Variants in PLEKHG4 observed in about 807,000 individuals in gnomAD.
PLEKHG4 encodes pleckstrin homology and RhoGEF domain containing G4, also known as puratrophin-1.
Under a neutral mutation model 136.9 loss-of-function variants are expected in PLEKHG4, and 85 were observed. The ratio of observed to expected loss-of-function variants is 0.62; its 90% CI spans 0.52 to 0.74. The LOEUF is 0.74. Ranked by LOEUF, PLEKHG4 falls within the 30% of genes least tolerant of loss-of-function variation. The pLI, the probability that PLEKHG4 is intolerant of heterozygous loss-of-function variation, is 0.00. For missense variants in PLEKHG4, 1,317 were observed against 1,527.8 expected, an observed-to-expected ratio of 0.86 and a Z score of 2.30; for synonymous variants, 577 against 646.9, an observed-to-expected ratio of 0.89 and a Z score of 1.64.
chr16:67,288,307 G>T lies in PLEKHG4; in HGVS notation c.3361G>T (p.Ala1121Ser). The T allele has an allele frequency of 1.2e-6, 2 of 1,612,708 alleles. No homozygotes were observed. Among genetic ancestry groups the T allele is most frequent in the East Asian group, 4.5e-5 (2 of 44,880 alleles). The change falls in exon 20 of 22, where the codon GCT (alanine) becomes TCT (serine). Residue 1121 changes from alanine (A) to serine (S), a missense_variant. Ala to Ser is a moderately conservative substitution (Grantham distance 99). Coordinates refer to ENST00000379344, the MANE Select transcript of PLEKHG4 (RefSeq NM_001129729.3). Reference protein sequence around the residue: ...SLNLHLYRDPALLGLRCPLYP... With the variant: ...SLNLHLYRDPSLLGLRCPLYP... The stretch of plus-strand genomic sequence containing the variant: ...CAACCTGCACCTGTACAGAGACCCA[G>T]CTCTTCTGGGTCTCCGCTGTCCCCT...
chr16:67,287,289 G>A (rs866123812), intron 18 of PLEKHG4, 112 bp downstream of exon 18: 131 of 1,090,680 alleles, frequency 1.2e-4, no homozygotes, highest in Middle Eastern at 2.8e-4. Context: ...AAGGCCCAGC[G>A]ACAGCCACCA....
At position 67,287,205 on chromosome 16, in the gene PLEKHG4, C is replaced by G. The variant is rs1305668193; in HGVS notation, c.3103+28C>G. ...GGGTCCATGCCCCTCCTTCACGCCA[C>G]ACTCCCCTCACTGGAGAGCTTACAT... On this transcript the variant is annotated intron_variant, in intron 18 of 21. Transcript: ENST00000379344. 3 of 1,596,498 alleles carry G rather than the reference C, an allele frequency of 1.9e-6. No homozygotes were observed. The Admixed American group carries it at 5.0e-5, about 27-fold the overall frequency.
intron 5 of PLEKHG4, 83 bp from the exon 6 acceptor site, chr16:67,281,484 C>T: frequency 8.3e-7 from 1 of 1,204,386 alleles, no homozygotes; most frequent in Non-Finnish European, 1.2e-6. Context: ...GCCTCGCCTC[C>T]CAGAGTGCCG....
chr16:67,288,863 C>T lies in PLEKHG4; in HGVS notation c.*55C>T. ...CAGCCTGCAGCTCCAAGGAACATTG[C>T]CTCTCTGGATCTGCTGTGACCAGGG... On this transcript the variant is annotated 3_prime_UTR_variant, in exon 22 of 22. Transcript: ENST00000379344. The T allele has an allele frequency of 6.2e-7, 1 of 1,600,290 alleles. No individual in the cohort carries two copies. Among genetic ancestry groups the T allele is most frequent in the South Asian group, 1.1e-5 (1 of 89,654 alleles).
At chr16:67,283,597 G>T (rs1159923650) in intron 11 of PLEKHG4, among the ~76,000 whole-genome samples, 1 of 152,138 alleles carries the variant, frequency 6.6e-6, no homozygotes, top group Non-Finnish European at 1.5e-5. Context: ...GAGGGTAAGG[G>T]ACAAGGATGT....
At position 67,285,043 on chromosome 16, in the gene PLEKHG4, G is replaced by A; in HGVS notation, c.2023G>A (p.Ala675Thr). 2 of 1,613,634 alleles carry A rather than the reference G, an allele frequency of 1.2e-6. No homozygotes were observed. Among genetic ancestry groups the A allele is most frequent in the East Asian group, 2.2e-5 (1 of 44,884 alleles). Reference sequence around the variant, plus strand: ...ACCTGCCCACCCTCCCCTGAGGAAGGCCTACAGCTTCGATCGGAATCTGGG... The same window carrying A: ...ACCTGCCCACCCTCCCCTGAGGAAGACCTACAGCTTCGATCGGAATCTGGG... ...AAPAHPPLRKAYSFDRNLGQS... is the reference protein window; with the variant it reads ...AAPAHPPLRKTYSFDRNLGQS... Residue 675 changes from alanine (A) to threonine (T), a missense_variant, in exon 13 of 22, where the codon GCC (alanine) becomes ACC (threonine). Transcript: ENST00000379344.
At chr16:67,286,230 G>A in intron 14 of PLEKHG4, 44 bp from the exon 15 acceptor site, 1 of 1,406,892 alleles carries the variant, frequency 7.1e-7, no homozygotes, top group Non-Finnish European at 1.0e-6. Flanking sequence ...CAGCCTTAGG[G>A]AGCTGGCCCC....
At chr16:67,287,224 C>T in intron 18 of PLEKHG4, 47 bp downstream of exon 18, 1 of 1,576,040 alleles carries the variant, frequency 6.3e-7, no homozygotes, top group South Asian at 1.1e-5. Context: ...CACTGGAGAG[C>T]TTACATTGAC....
Position 67,286,924 on chromosome 16 carries a change from G to A in PLEKHG4, c.2925+5G>A, listed in dbSNP as rs373834070. 5.0e-6 allele frequency: 8 copies of A among 1,613,528 alleles called. No individual in the cohort carries two copies. The African/African-American group carries it at 1.1e-4, about 22-fold the overall frequency. On this transcript the variant is annotated splice_donor_5th_base_variant and intron_variant, in intron 17 of 21. Transcript: ENST00000379344. ...GCCTACAAGCGCTCCTTCAAGGTAGGCCTGCCCACCCCAGGCCCCACCACT... is the reference window on the plus strand; with the variant it reads ...GCCTACAAGCGCTCCTTCAAGGTAGACCTGCCCACCCCAGGCCCCACCACT...
rs1207099369 is a variant in PLEKHG4 at position 67,285,375 on chromosome 16, G to A, written c.2281G>A (p.Glu761Lys). Residue 761 changes from glutamate (E) to lysine (K), a missense_variant, in exon 14 of 22, where the codon GAG becomes AAG. Coordinates refer to ENST00000379344, the MANE Select transcript of PLEKHG4 (RefSeq NM_001129729.3). ...LEYTMENYFP[E>K]LDRPDVPQGL... The stretch of plus-strand genomic sequence containing the variant: ...GTACACTATGGAGAACTATTTCCCC[G>A]AGCTGGATCGCCCCGATGTGCCCCA... 8.1e-6 allele frequency: 13 copies of A among 1,614,090 alleles called. No individual in the cohort carries two copies. The highest frequency in any genetic ancestry group is 2.2e-5 in the East Asian group (1 of 44,898).
At chr16:67,278,697 C>T (rs1475701311), upstream of PLEKHG4, 1 of 152,202 alleles carries the variant, frequency 6.6e-6, no homozygotes, top group Admixed American at 6.5e-5. Context: ...CTTCCCCAGT[C>T]CTCACGGCAA....
chr16:67,286,398 G>C, intron 15 of PLEKHG4, 35 bp downstream of exon 15: 1 of 1,607,168 alleles, frequency 6.2e-7, no homozygotes, highest in Non-Finnish European at 8.5e-7. Flanking sequence ...AGTAGGGGAT[G>C]CGGGGAGTGC....
rs372449397 is a variant in PLEKHG4 at position 67,281,056 on chromosome 16, G to T, written c.720-35G>T. ...GAGCCTGAGCCAGCTGTGAGGACTG[G>T]GAGTCAGGTACTGAACTGAAGCTCA... On this transcript the variant is annotated intron_variant, in intron 4 of 21. Transcript: ENST00000379344. 1.9e-6 allele frequency: 3 copies of T among 1,613,820 alleles called. No homozygotes were observed. The African/African-American group carries it at 4.0e-5, about 22-fold the overall frequency.
At position 67,280,648 on chromosome 16, in the gene PLEKHG4, G is replaced by T; in HGVS notation, c.500-63G>T. The T allele has an allele frequency of 3.7e-6, 6 of 1,612,302 alleles. No homozygotes were observed. The highest frequency in any genetic ancestry group is 2.2e-5 in the East Asian group (1 of 44,862). Reference sequence around the variant, plus strand: ...CTGACCCTACTCAGGCTGAAGCCCGGGTCCAAGTAGGGGTCTCTGGATAGG... The same window carrying T: ...CTGACCCTACTCAGGCTGAAGCCCGTGTCCAAGTAGGGGTCTCTGGATAGG... On this transcript the variant is annotated intron_variant, in intron 2 of 21. Transcript: ENST00000379344. This position sits in a 1 kb window ranked among gnomAD's most constrained non-coding sequence, Gnocchi z 4.4.
In PLEKHG4 at chr16:67,282,380, C is replaced by T. The variant is rs534791874; in HGVS notation, c.1253+31C>T. On this transcript the variant is annotated intron_variant, in intron 9 of 21. Coordinates refer to ENST00000379344, the MANE Select transcript of PLEKHG4 (RefSeq NM_001129729.3). ...TGCAAGCCCGGCCCCCAGATCTTGC[C>T]CCAGCCCACCATATTCTATGCCAGG... 3 of 1,611,150 alleles carry T rather than the reference C, an allele frequency of 1.9e-6. No homozygotes were observed. The East Asian group carries it at 6.7e-5, about 36-fold the overall frequency.
Position 67,280,354 on chromosome 16 carries a change from A to C in PLEKHG4, c.310A>C (p.Ser104Arg). ...AGGGCCAGGCCCCTCTGGAGTGGAG[A>C]GTCTCCTATGCCCCATGTCCTCCCA... is the stretch of plus-strand genomic sequence containing the variant. ...SEGPGPSGVE[S>R]LLCPMSSHLS... Residue 104 changes from serine to arginine, a missense_variant, in exon 2 of 22, where the codon AGT (serine) becomes CGT (arginine). Coordinates refer to ENST00000379344, the MANE Select transcript of PLEKHG4 (RefSeq NM_001129729.3). This position sits in a 1 kb window ranked among gnomAD's most constrained non-coding sequence, Gnocchi z 4.4. 2.5e-6 allele frequency: 4 copies of C among 1,613,542 alleles called. No individual in the cohort carries two copies. Among genetic ancestry groups the C allele is most frequent in the Non-Finnish European group, 2.5e-6 (3 of 1,179,866 alleles).
rs140708063 is a variant in PLEKHG4, at chr16:67,281,095, G to A, written c.724G>A (p.Glu242Lys). 12 of 1,613,984 alleles carry A rather than the reference G, an allele frequency of 7.4e-6. No individual in the cohort carries two copies. The highest frequency in any genetic ancestry group is 4.5e-5 in the East Asian group (2 of 44,894). The change falls in exon 5 of 22, where the codon GAA (glutamate) becomes AAA (lysine). Residue 242 changes from glutamate to lysine, a missense_variant. Glu to Lys is a moderately conservative substitution (Grantham distance 56). Transcript: ENST00000379344. ...LLYLRSIPRPEVQALGLTVLV... is the reference protein window; with the variant it reads ...LLYLRSIPRPKVQALGLTVLV... ...AACTGAAGCTCACCCCTTTAGGCCCGAAGTACAGGCACTGGGACTGACAGT... is the reference window on the plus strand; with the variant it reads ...AACTGAAGCTCACCCCTTTAGGCCCAAAGTACAGGCACTGGGACTGACAGT...
At position 67,285,034 on chromosome 16, in the gene PLEKHG4, C is replaced by T. The variant is rs139505695; in HGVS notation, c.2014C>T (p.Leu672=). ...CCCCGCTGCACCTGCCCACCCTCCCCTGAGGAAGGCCTACAGCTTCGATCG... is the reference window on the plus strand; with the variant it reads ...CCCCGCTGCACCTGCCCACCCTCCCTTGAGGAAGGCCTACAGCTTCGATCG... ...QVPAAPAHPP[L]RKAYSFDRNL... The change falls in exon 13 of 22, where the codon CTG becomes TTG. Residue 672 remains leucine, a synonymous_variant. Transcript: ENST00000379344. The T allele has an allele frequency of 4.7e-5, 76 of 1,613,658 alleles. 1 individual carries two copies. In the African/African-American group the frequency reaches 8.5e-4, roughly 18 times the overall value.
rs562861622 is a variant in PLEKHG4 at position 67,285,418 on chromosome 16, G to A, written c.2324G>A (p.Arg775His). 19 of 1,614,184 alleles carry A rather than the reference G, an allele frequency of 1.2e-5. No individual in the cohort carries two copies. The highest frequency in any genetic ancestry group is 1.2e-4 in the Admixed American group (7 of 60,034). Reference sequence around the variant, plus strand: ...GTGCCCCAGGGCCTCCGCGGTCAGCGTGCCCACCTCTTTGGCAACCTGGAG... The same window carrying A: ...GTGCCCCAGGGCCTCCGCGGTCAGCATGCCCACCTCTTTGGCAACCTGGAG... ...PDVPQGLRGQ[R>H]AHLFGNLEKL... is the part of the protein sequence containing the mutation. Residue 775 changes from arginine to histidine, a missense_variant, in exon 14 of 22, where the codon CGT becomes CAT. By Grantham distance (29) the Arg-to-His change is conservative (BLOSUM62 0). Coordinates refer to ENST00000379344, the MANE Select transcript of PLEKHG4 (RefSeq NM_001129729.3).
Sources: allele counts gnomAD v4.1 joint callset (sites outside exome capture counted in the v4.1 genomes callset), GRCh38; gene constraint gnomAD v4.1.1; non-coding constraint Gnocchi (gnomAD v3.1); transcripts MANE v1.5; gene names NCBI Gene and HGNC (gene_info 2026-07-23, HGNC 2026-07-21).